STIM1: variants seen among roughly 807,000 people sequenced by gnomAD.
STIM1 encodes stromal interaction molecule 1.
STIM1 carries 25 observed loss-of-function variants against 74.7 expected under a neutral mutation model. The observed-to-expected ratio is 0.33, with a 90% CI of 0.24 to 0.47. The LOEUF (loss-of-function observed/expected upper bound fraction) is 0.47. Ranked by LOEUF, STIM1 falls within the 20% of genes least tolerant of loss-of-function variation. The pLI, the probability that STIM1 is intolerant of heterozygous loss-of-function variation, is 1.00. For synonymous variants in STIM1, 328 were observed against 348.8 expected, an observed-to-expected ratio of 0.94 and a Z score of 0.66; for missense variants, 728 against 920.8, an observed-to-expected ratio of 0.79 and a Z score of 2.71.
In STIM1 at chr11:4,074,732, G is replaced by A. The variant is rs970349954; in HGVS notation, c.969+53G>A. ...CCTTGACGGGTGGGTAAAGGGCAGG[G>A]GCCCAGGGTCTGGCTAGAAAGTTAC... On this transcript the variant is annotated intron_variant, in intron 7 of 12. Transcript: ENST00000526596. The A allele has an allele frequency of 1.4e-5, 21 of 1,539,170 alleles. No homozygotes were observed. In the African/African-American group the frequency reaches 2.6e-4, roughly 19 times the overall value.
At chr11:4,042,108 A>G (rs1454760973) in intron 3 of STIM1, among the ~76,000 whole-genome samples, 4 of 152,204 alleles carry the variant, frequency 2.6e-5, no homozygotes, top group Non-Finnish European at 4.4e-5. Context: ...TGATTCGGGA[A>G]TCCATTTACT....
intron 3 of STIM1, among the ~76,000 whole-genome samples, chr11:4,032,540 A>T (rs2094059944): frequency 6.6e-6 from 1 of 152,154 alleles, no homozygotes; most frequent in African/African-American, 2.4e-5. Flanking sequence ...AAACCTGTCA[A>T]TTTCTACAAA....
chr11:4,000,271 C>G (rs1404502041), intron 2 of STIM1, among the ~76,000 whole-genome samples: 1 of 132,142 alleles, frequency 7.6e-6, no homozygotes, highest in Non-Finnish European at 1.7e-5. Context: ...TGAGAATGGG[C>G]AGACTGCCTC....
intron 1 of STIM1, among the ~76,000 whole-genome samples, chr11:3,881,134 T>A (rs978253651): frequency 6.7e-6 from 1 of 150,008 alleles, no homozygotes; most frequent in African/African-American, 2.5e-5. Flanking sequence ...ATAAAATTAA[T>A]CATTTTAAAG....
intron 5 of STIM1, among the ~76,000 whole-genome samples, chr11:4,063,323 T>C (rs1170303183): frequency 6.6e-6 from 1 of 152,222 alleles, no homozygotes; most frequent in African/African-American, 2.4e-5. Flanking sequence ...CCTTGTTTTA[T>C]TGTGCTTTGC....
In STIM1 at chr11:4,091,842, G is replaced by C; in HGVS notation, c.*44G>C. 1.3e-6 allele frequency: 2 copies of C among 1,598,592 alleles called. No individual in the cohort carries two copies. The highest frequency in any genetic ancestry group is 1.7e-6 in the Non-Finnish European group (2 of 1,179,438). ...AAAGGGACAGCTTGTCCTTCCCTGG[G>C]TGTTCTGTCTCTCCTTCCCTCCCTT... On this transcript the variant is annotated 3_prime_UTR_variant, in exon 13 of 13. Coordinates refer to ENST00000526596, the MANE Select transcript of STIM1 (RefSeq NM_001382567.1).
At chr11:4,012,151 G>C (rs1437467574) in intron 2 of STIM1, among the ~76,000 whole-genome samples, 1 of 152,172 alleles carries the variant, frequency 6.6e-6, no homozygotes, top group Non-Finnish European at 1.5e-5. Flanking sequence ...TTGAAGTCAG[G>C]TAGTGTGATG....
intron 2 of STIM1, among the ~76,000 whole-genome samples, chr11:4,004,679 A>C (rs2093758236): frequency 6.7e-6 from 1 of 148,848 alleles, no homozygotes; most frequent in African/African-American, 2.6e-5. Flanking sequence ...GGCATGGGCA[A>C]GGACTTCATG....
At chr11:3,877,321 C>T (rs1565098447) in intron 1 of STIM1, among the ~76,000 whole-genome samples, 1 of 152,016 alleles carries the variant, frequency 6.6e-6, no homozygotes. Context: ...ATTGGTATGC[C>T]TTGCTTCTCT....
chr11:3,992,707 G>A (rs191789326), intron 2 of STIM1, among the ~76,000 whole-genome samples: 3 of 152,022 alleles, frequency 2.0e-5, no homozygotes, highest in African/African-American at 4.8e-5. Flanking sequence ...ATCCAAGGTC[G>A]TGATGACTTA....
chr11:4,083,211 A>T lies in STIM1; in HGVS notation c.1239-52A>T, dbSNP rs1025452302. 43 of 1,569,716 alleles carry T rather than the reference A, an allele frequency of 2.7e-5. No individual in the cohort carries two copies. In the South Asian group the frequency reaches 4.3e-4, roughly 16 times the overall value. Reference sequence around the variant, plus strand: ...TCCTCTGAGAAGAGGCTTCATTCCTATTGGGGCTCACACCAAGTCCATGCC... The same window carrying T: ...TCCTCTGAGAAGAGGCTTCATTCCTTTTGGGGCTCACACCAAGTCCATGCC... On this transcript the variant is annotated intron_variant, in intron 9 of 12. Transcript: ENST00000526596.
intron 7 of STIM1, among the ~76,000 whole-genome samples, chr11:4,079,445 G>A (rs1014786018): frequency 6.6e-6 from 1 of 151,772 alleles, no homozygotes; most frequent in Non-Finnish European, 1.5e-5. Flanking sequence ...GTGGTGGCAG[G>A]CACCTGTAAT....
intron 2 of STIM1, chr11:3,972,763 T>A (rs1251417505): frequency 2.2e-6 from 1 of 453,054 alleles, no homozygotes; most frequent in Non-Finnish European, 4.4e-6. Flanking sequence ...CTTTGTCACT[T>A]CTCTGGCTCT....
At chr11:3,937,119 C>T (rs1432996710) in intron 1 of STIM1, among the ~76,000 whole-genome samples, 1 of 151,686 alleles carries the variant, frequency 6.6e-6, no homozygotes, top group Non-Finnish European at 1.5e-5. Context: ...GGCAAAACCC[C>T]ATCTCTACAA....
At chr11:3,948,903 C>T (rs904426569) in intron 1 of STIM1, among the ~76,000 whole-genome samples, 4 of 152,182 alleles carry the variant, frequency 2.6e-5, no homozygotes, top group African/African-American at 9.7e-5. Flanking sequence ...CCAATTTCTG[C>T]TTAGATATTT....
At chr11:4,045,533 T>G (rs2133023754) in intron 3 of STIM1, among the ~76,000 whole-genome samples, 1 of 151,192 alleles carries the variant, frequency 6.6e-6, no homozygotes, top group South Asian at 2.1e-4. Context: ...CACTGCAACC[T>G]CTGCCTTCCA....
chr11:3,869,162 G>T (rs2135255860), intron 1 of STIM1, among the ~76,000 whole-genome samples: 1 of 152,210 alleles, frequency 6.6e-6, no homozygotes, highest in East Asian at 1.9e-4. Flanking sequence ...GTAGAGATGG[G>T]TTTTCACCGT....
intron 1 of STIM1, among the ~76,000 whole-genome samples, chr11:3,862,216 C>T (rs981452251): frequency 2.0e-5 from 3 of 152,098 alleles, no homozygotes; most frequent in Non-Finnish European, 4.4e-5. Context: ...AGGAAATCAT[C>T]CCAAGACCTT....
chr11:3,994,011 G>A (rs2093639216), intron 2 of STIM1, among the ~76,000 whole-genome samples: 2 of 152,268 alleles, frequency 1.3e-5, no homozygotes, highest in South Asian at 4.1e-4. Flanking sequence ...CTATCTGGGG[G>A]GGTCACTTAA....
Sources: allele counts gnomAD v4.1 joint callset (sites outside exome capture counted in the v4.1 genomes callset), GRCh38; gene constraint gnomAD v4.1.1; transcripts MANE v1.5; gene names NCBI Gene and HGNC (gene_info 2026-07-23, HGNC 2026-07-21).